Variants in TFDP2 observed in about 807,000 individuals in gnomAD.
TFDP2 encodes the protein transcription factor Dp-2 (E2F dimerization partner 2).
TFDP2 carries 17 observed loss-of-function variants against 59.3 expected under a neutral mutation model. The observed-to-expected ratio is 0.29, with a 90% CI of 0.20 to 0.43. The LOEUF (loss-of-function observed/expected upper bound fraction) is 0.43. Among genes scored for constraint, TFDP2 ranks in the 20% least tolerant of loss-of-function variants. TFDP2 has a pLI of 1.00. For synonymous variants in TFDP2, 180 were observed against 194.7 expected (o/e 0.92, Z 0.63); for missense variants, 391 against 528.8 (o/e 0.74, Z 2.56).
At chr3:142,126,985 A>G (rs116660228) in intron 1 of TFDP2, among the ~76,000 whole-genome samples, 197 of 150,544 alleles carry the variant, frequency 1.3e-3, no homozygotes, top group African/African-American at 4.7e-3. Context: ...ATGATGTTAA[A>G]AAGATAAAAA....
At chr3:142,010,045 A>C (rs2108289813) in intron 3 of TFDP2, among the ~76,000 whole-genome samples, 1 of 152,280 alleles carries the variant, frequency 6.6e-6, no homozygotes, top group East Asian at 1.9e-4. Flanking sequence ...AGATATCTTA[A>C]GTGAAAAGAC....
chr3:142,108,145 C>T (rs1382083159), intron 1 of TFDP2, among the ~76,000 whole-genome samples: 4 of 151,950 alleles, frequency 2.6e-5, no homozygotes, highest in Non-Finnish European at 5.9e-5. Context: ...TTTTATAAAA[C>T]CTCTAACCTC....
intron 3 of TFDP2, among the ~76,000 whole-genome samples, chr3:142,087,637 A>G (rs999628021): frequency 7.9e-5 from 12 of 151,746 alleles, no homozygotes; most frequent in African/African-American, 2.9e-4. Context: ...AGAAGCTGGG[A>G]CTACAGGTAC....
chr3:142,138,552 G>A (rs1444423853), intron 1 of TFDP2, among the ~76,000 whole-genome samples: 24 of 152,196 alleles, frequency 1.6e-4, no homozygotes, highest in Non-Finnish European at 3.5e-4. Context: ...GTGTCCCAGA[G>A]ATTCTGGTAC....
chr3:141,976,673 G>A (rs1183355556), intron 7 of TFDP2, among the ~76,000 whole-genome samples: 1 of 152,100 alleles, frequency 6.6e-6, no homozygotes, highest in Non-Finnish European at 1.5e-5. Flanking sequence ...AAATGAGACA[G>A]TGCATAGCAG....
intron 3 of TFDP2, among the ~76,000 whole-genome samples, chr3:142,066,520 A>G (rs1475248398): frequency 6.6e-6 from 1 of 152,190 alleles, no homozygotes; most frequent in Admixed American, 6.5e-5. Context: ...AACTCATGTA[A>G]TTTATTGAAT....
chr3:142,017,525 G>A (rs1315985928), intron 3 of TFDP2, among the ~76,000 whole-genome samples: 1 of 150,192 alleles, frequency 6.7e-6, no homozygotes, highest in East Asian at 1.9e-4. Flanking sequence ...CTCAGCATAT[G>A]CAAACACATA....
At chr3:142,071,737 T>G (rs2060256217) in intron 3 of TFDP2, among the ~76,000 whole-genome samples, 2 of 151,988 alleles carry the variant, frequency 1.3e-5, no homozygotes, top group African/African-American at 4.8e-5. Flanking sequence ...TGACTGGGAG[T>G]AGACAGAAAG....
intron 1 of TFDP2, among the ~76,000 whole-genome samples, chr3:142,110,142 C>T (rs2061601241): frequency 6.6e-6 from 1 of 152,100 alleles, no homozygotes; most frequent in Admixed American, 6.6e-5. Context: ...TCTAAGTCTC[C>T]CAAAGTGCTG....
At chr3:141,960,518 T>C (rs1396570200) in intron 10 of TFDP2, among the ~76,000 whole-genome samples, 1 of 152,206 alleles carries the variant, frequency 6.6e-6, no homozygotes, top group African/African-American at 2.4e-5. Context: ...AGGCTAGGCC[T>C]GGAGCACCTT....
At chr3:142,126,319 C>T (rs1577043808) in intron 1 of TFDP2, 1 of 151,890 alleles carries the variant, frequency 6.6e-6, no homozygotes, top group African/African-American at 2.4e-5. Context: ...GCTGGGACTA[C>T]ACATTCCCAG....
At chr3:142,117,926 G>A (rs574305694) in intron 1 of TFDP2, among the ~76,000 whole-genome samples, 24 of 152,078 alleles carry the variant, frequency 1.6e-4, no homozygotes, top group East Asian at 9.7e-4. Flanking sequence ...GTGAAACCCC[G>A]TCTCTACAAA....
At chr3:142,048,217 C>T (rs759988554) in intron 3 of TFDP2, among the ~76,000 whole-genome samples, 1 of 151,942 alleles carries the variant, frequency 6.6e-6, no homozygotes, top group Non-Finnish European at 1.5e-5. Flanking sequence ...GAGTTCAAGA[C>T]CAGCCTGGGC....
intron 7 of TFDP2, among the ~76,000 whole-genome samples, chr3:141,976,567 T>C (rs1940670010): frequency 6.6e-6 from 1 of 152,164 alleles, no homozygotes; most frequent in Admixed American, 6.5e-5. Flanking sequence ...GCCATATGAA[T>C]ACCTAGCAAA....
intron 4 of TFDP2, among the ~76,000 whole-genome samples, chr3:142,004,092 G>A (rs1036682844): frequency 6.6e-6 from 1 of 152,124 alleles, no homozygotes; most frequent in Non-Finnish European, 1.5e-5. Context: ...AGGGGCAAAT[G>A]CTTAGCAAAT....
chr3:142,082,197 G>C (rs1168278759), intron 3 of TFDP2, among the ~76,000 whole-genome samples: 1 of 152,168 alleles, frequency 6.6e-6, no homozygotes, highest in Non-Finnish European at 1.5e-5. Context: ...TGTGCTCCTT[G>C]TGAGAATCTC....
At chr3:142,043,928 C>G in intron 3 of TFDP2, 1 of 837,898 alleles carries the variant, frequency 1.2e-6, no homozygotes, top group East Asian at 2.4e-5. Flanking sequence ...ATGACCTTCT[C>G]TGGCATTCGC....
intron 8 of TFDP2, among the ~76,000 whole-genome samples, chr3:141,972,113 T>G (rs878868326): frequency 6.6e-6 from 1 of 152,192 alleles, no homozygotes; most frequent in Admixed American, 6.5e-5. Context: ...ATCCACCACG[T>G]TTTACTTTTA....
intron 3 of TFDP2, among the ~76,000 whole-genome samples, chr3:142,050,303 T>C (rs903008661): frequency 2.3e-4 from 34 of 150,556 alleles, no homozygotes; most frequent in African/African-American, 7.6e-4. Flanking sequence ...TCCTTTATGA[T>C]AATGGTTCTT....
Sources: gnomAD v4.1 joint callset for allele counts (sites outside exome capture counted in the v4.1 genomes callset) on GRCh38, gnomAD v4.1.1 for gene constraint, MANE v1.5 for transcripts, NCBI Gene and HGNC (gene_info 2026-07-23, HGNC 2026-07-21) for gene names.